Variants in MARK2 observed in about 807,000 individuals in gnomAD.
MARK2 encodes serine/threonine-protein kinase MARK2.
A neutral mutation model predicts 89.8 loss-of-function variants in MARK2; 16 were observed. The ratio of observed to expected loss-of-function variants is 0.18; its 90% CI spans 0.12 to 0.27. The LOEUF (loss-of-function observed/expected upper bound fraction) is 0.27, where lower values mean the gene tolerates loss of function less well. Ranked by LOEUF, MARK2 falls within the 10% of genes least tolerant of loss-of-function variation. The probability of loss-of-function intolerance (pLI) is 1.00; values close to 1 mark genes in which losing one functional copy is unlikely to be tolerated. For synonymous variants in MARK2, 382 were observed against 399.5 expected (o/e 0.96, Z 0.52); for missense variants, 621 against 1,049.9 (o/e 0.59, Z 5.65).
At chr11:63,885,512 C>T (rs1395914336) in intron 1 of MARK2, among the ~76,000 whole-genome samples, 4 of 151,090 alleles carry the variant, frequency 2.6e-5, no homozygotes, top group African/African-American at 9.8e-5. Context: ...GCACTCTAGC[C>T]TGGGTGATAG....
chr11:63,885,548 A>G (rs1939340453), intron 1 of MARK2, among the ~76,000 whole-genome samples: 1 of 149,596 alleles, frequency 6.7e-6, no homozygotes, highest in Non-Finnish European at 1.5e-5. Context: ...TGAAAAAAAA[A>G]GAGAGGCTGG....
chr11:63,902,165 C>G lies in MARK2; in HGVS notation c.1102-33C>G. On this transcript the variant is annotated intron_variant, in intron 11 of 18. Coordinates refer to ENST00000402010, the MANE Select transcript of MARK2 (RefSeq NM_001039469.3). The surrounding 1 kb of genome is among the most constrained non-coding windows in gnomAD (Gnocchi z 4.2). ...CATAGGGATCTCCACATGACTTCTG[C>G]CCTCCCTTGAAGCTGTTTTCTGTTT... 1 of 1,612,206 alleles carries G rather than the reference C, an allele frequency of 6.2e-7. No individual in the cohort carries two copies. Among genetic ancestry groups the G allele is most frequent in the Non-Finnish European group, 8.5e-7 (1 of 1,178,628 alleles).
At chr11:63,852,656 G>A (rs1327262492) in intron 1 of MARK2, among the ~76,000 whole-genome samples, 7 of 141,614 alleles carry the variant, frequency 4.9e-5, no homozygotes, top group African/African-American at 1.8e-4. Context: ...AATCTGGGCA[G>A]AACTGTAAAT....
chr11:63,909,337 T>G lies in MARK2; in HGVS notation c.*100T>G, dbSNP rs560808565. The G allele has an allele frequency of 2.6e-5, 33 of 1,265,312 alleles. No individual in the cohort carries two copies. The African/African-American group carries it at 4.9e-4, about 19-fold the overall frequency. 78.4% of individuals were successfully genotyped at this position (1,265,312 alleles called of 1,614,324 possible). A position where few individuals can be genotyped will look rare whatever the true frequency, so the allele number is the denominator to read the frequency against. On this transcript the variant is annotated 3_prime_UTR_variant, in exon 19 of 19. Transcript: ENST00000402010. ...GCGAGACTGCAGCGATGGATTGGTG[T>G]GTCTCCCCTGCTGGCACTTCTCCCC...
rs1275101755 is a variant in MARK2, at chr11:63,839,346, C to G, written c.-161C>G. ...GCGGCCTAGCCCGAGCGGCGCATCC[C>G]CGGGCTGGCGTGAGCGGCTGCCCGG... On this transcript the variant is annotated 5_prime_UTR_variant, in exon 1 of 19. Transcript: ENST00000402010. The G allele has an allele frequency of 1.9e-6, 1 of 512,924 alleles. No homozygotes were observed. Among genetic ancestry groups the G allele is most frequent in the African/African-American group, 2.1e-5 (1 of 48,664 alleles). The allele number at this position is 512,924 out of a possible 1,614,324, so 31.8% of individuals were successfully genotyped here. A position where few individuals can be genotyped will look rare whatever the true frequency, so the allele number is the denominator to read the frequency against.
At chr11:63,847,542 G>GGCAATACAAT (rs1442740258) in intron 1 of MARK2, among the ~76,000 whole-genome samples, 2 of 152,188 alleles carry the variant, frequency 1.3e-5, no homozygotes, top group Non-Finnish European at 2.9e-5. Flanking sequence ...ATTTTCTTGT[G>GGCAATACAAT]TGCTCTTTGG....
At chr11:63,906,143 G>GTA in intron 17 of MARK2, 29 bp downstream of exon 17, 1 of 1,295,628 alleles carries the variant, frequency 7.7e-7, no homozygotes. Flanking sequence ...GTGTGTGTGT[G>GTA]TGTGTGTGTG....
rs542273753 is a variant in MARK2 at position 63,864,609 on chromosome 11, G to T, written c.54+25049G>T. On this transcript the variant is annotated intron_variant, in intron 1 of 18. Transcript: ENST00000402010. ...GGGGTCTTGCTTTGTTGGCTAGGCTGGTCTCAAACTCCTGGGCTCAAGTGA... is the reference window on the plus strand; with the variant it reads ...GGGGTCTTGCTTTGTTGGCTAGGCTTGTCTCAAACTCCTGGGCTCAAGTGA... 4.4e-4 allele frequency among the ~76,000 whole-genome samples: 67 copies of T among 151,518 alleles called. 2 individuals are homozygous for T. The South Asian group carries it at 0.013, about 30-fold the overall frequency.
chr11:63,900,686 G>A lies in MARK2; in HGVS notation c.888+8G>A, dbSNP rs755849028. On this transcript the variant is annotated splice_region_variant and intron_variant, in intron 9 of 18. Coordinates refer to ENST00000402010, the MANE Select transcript of MARK2 (RefSeq NM_001039469.3). The surrounding 1 kb of genome is among the most constrained non-coding windows in gnomAD (Gnocchi z 4.7). ...AAGAGAGGCACTTTAGAGGTGAGCAGTGGAGCCCAACTGGCGGAAGGGCCT... is the reference window on the plus strand; with the variant it reads ...AAGAGAGGCACTTTAGAGGTGAGCAATGGAGCCCAACTGGCGGAAGGGCCT... 34 of 1,613,952 alleles carry A rather than the reference G, an allele frequency of 2.1e-5. No homozygotes were observed. The Admixed American group carries it at 2.5e-4, about 12-fold the overall frequency.
intron 1 of MARK2, among the ~76,000 whole-genome samples, chr11:63,889,780 C>T (rs1382859291): frequency 1.3e-5 from 2 of 152,244 alleles, no homozygotes. Context: ...AGGGTGACCC[C>T]TTATTCTTTC....
In MARK2 at chr11:63,909,275, C is replaced by G. The variant is rs1379515683; in HGVS notation, c.*38C>G. On this transcript the variant is annotated 3_prime_UTR_variant, in exon 19 of 19. Coordinates refer to ENST00000402010, the MANE Select transcript of MARK2 (RefSeq NM_001039469.3). ...AGCGGGGGCGGCGGGGGCGGGCCAG[C>G]TGGACGGGCTGCCGGCCGCTGCGCC... 6.6e-7 allele frequency: 1 copy of G among 1,522,286 alleles called. No individual in the cohort carries two copies. Among genetic ancestry groups the G allele is most frequent in the African/African-American group, 1.4e-5 (1 of 72,050 alleles). The allele number at this position is 1,522,286 out of a possible 1,614,324, so 94.3% of individuals were successfully genotyped here. A position where few individuals can be genotyped will look rare whatever the true frequency, so the allele number is the denominator to read the frequency against.
At chr11:63,855,483 C>T (rs1042370285) in intron 1 of MARK2, among the ~76,000 whole-genome samples, 3 of 151,010 alleles carry the variant, frequency 2.0e-5, no homozygotes, top group African/African-American at 7.3e-5. Flanking sequence ...GATTGTGCCA[C>T]TGTACCCCAG....
intron 1 of MARK2, among the ~76,000 whole-genome samples, chr11:63,852,375 T>A (rs2016615007): frequency 6.6e-6 from 1 of 152,220 alleles, no homozygotes; most frequent in Non-Finnish European, 1.5e-5. Context: ...CTGGAACCTT[T>A]GAGAAAATAT....
intron 1 of MARK2, among the ~76,000 whole-genome samples, chr11:63,848,979 T>C (rs1006899029): frequency 1.3e-5 from 2 of 152,040 alleles, no homozygotes; most frequent in African/African-American, 4.8e-5. Flanking sequence ...AGTGCTGAGA[T>C]TGCAGGCGTG....
chr11:63,873,264 C>T (rs1480679670), intron 1 of MARK2, among the ~76,000 whole-genome samples: 1 of 152,132 alleles, frequency 6.6e-6, no homozygotes, highest in African/African-American at 2.4e-5. Flanking sequence ...TCTTAGAGTA[C>T]AATATCCCTT....
At chr11:63,843,379 A>G (rs994369679) in intron 1 of MARK2, among the ~76,000 whole-genome samples, 2 of 152,174 alleles carry the variant, frequency 1.3e-5, no homozygotes, top group Non-Finnish European at 2.9e-5. Context: ...TCTGGGCCTC[A>G]GAAACTATGA....
intron 1 of MARK2, among the ~76,000 whole-genome samples, chr11:63,849,087 C>T (rs1333993362): frequency 1.3e-5 from 2 of 152,124 alleles, no homozygotes; most frequent in African/African-American, 4.8e-5. Context: ...CCACTGCGGC[C>T]TCAAATAGCT....
intron 1 of MARK2, among the ~76,000 whole-genome samples, chr11:63,861,677 A>G (rs1937789687): frequency 6.7e-6 from 1 of 149,984 alleles, no homozygotes; most frequent in East Asian, 2.0e-4. Context: ...GCTAACATTT[A>G]TTGAGCCCTT....
chr11:63,891,343 TAC>T (rs1446771580), intron 1 of MARK2, among the ~76,000 whole-genome samples: 2 of 152,190 alleles, frequency 1.3e-5, no homozygotes, highest in African/African-American at 4.8e-5. Context: ...CTCCGACATC[TAC>T]AGTCTTAACC....
Sources: allele counts gnomAD v4.1 joint callset (sites outside exome capture counted in the v4.1 genomes callset), GRCh38; gene constraint gnomAD v4.1.1; non-coding constraint Gnocchi (gnomAD v3.1); transcripts MANE v1.5; gene names NCBI Gene and HGNC (gene_info 2026-07-23, HGNC 2026-07-21).